Variants in UAP1 observed in about 807,000 individuals in gnomAD.
UAP1 encodes UDP-N-acetylhexosamine pyrophosphorylase.
In UAP1, 25 loss-of-function variants were observed where a neutral mutation model predicts 58.5. That is an observed-to-expected ratio of 0.43 (90% CI 0.31 to 0.60). The LOEUF is 0.60. UAP1 is among the 20% of genes least tolerant of loss of function. The pLI, the probability that UAP1 is intolerant of heterozygous loss-of-function variation, is 0.11. For missense variants in UAP1, 575 were observed against 630.0 expected, an observed-to-expected ratio of 0.91 and a Z score of 0.93; for synonymous variants, 208 against 213.0, an observed-to-expected ratio of 0.98 and a Z score of 0.21.
chr1:162,565,408 A>C (rs1158999838), intron 1 of UAP1, among the ~76,000 whole-genome samples: 1 of 152,192 alleles, frequency 6.6e-6, no homozygotes, highest in East Asian at 1.9e-4. Context: ...GGAGGATCCA[A>C]GTTTTTAATG....
chr1:162,598,766 C>T (rs536729364), intron 10 of UAP1, among the ~76,000 whole-genome samples: 25 of 152,232 alleles, frequency 1.6e-4, no homozygotes, highest in African/African-American at 5.8e-4. Context: ...GTAATCCCAG[C>T]GCTTTGGGAG....
At chr1:162,579,833 G>A (rs1472281132) in intron 4 of UAP1, among the ~76,000 whole-genome samples, 1 of 151,998 alleles carries the variant, frequency 6.6e-6, no homozygotes, top group Non-Finnish European at 1.5e-5. Context: ...AGCATTCAGG[G>A]TATTCTTTCT....
chr1:162,586,348 G>T (rs151276770), intron 5 of UAP1, among the ~76,000 whole-genome samples: 1,615 of 152,228 alleles, frequency 0.011, 24 homozygotes, highest in African/African-American at 0.037. Flanking sequence ...TTGAGACAGG[G>T]TCTTACTCTG....
downstream of UAP1, among the ~76,000 whole-genome samples, chr1:162,601,018 T>A (rs944874591): frequency 1.3e-5 from 2 of 152,140 alleles, no homozygotes; most frequent in African/African-American, 4.8e-5. Flanking sequence ...AAGGGAAGAA[T>A]GGAAATGGGA....
intron 2 of UAP1, among the ~76,000 whole-genome samples, chr1:162,566,674 T>A (rs913647431): frequency 6.6e-6 from 1 of 152,076 alleles, no homozygotes; most frequent in Non-Finnish European, 1.5e-5. Flanking sequence ...TTGCCCAGGC[T>A]GGAGTGCAGT....
chr1:162,590,990 C>G (rs1196429064), intron 8 of UAP1, among the ~76,000 whole-genome samples: 1 of 150,086 alleles, frequency 6.7e-6, no homozygotes, highest in Non-Finnish European at 1.5e-5. Context: ...GTGGCACAGT[C>G]TCAGCTCACT....
At chr1:162,571,033 A>G (rs9919292) in intron 2 of UAP1, among the ~76,000 whole-genome samples, 45 of 150,964 alleles carry the variant, frequency 3.0e-4, no homozygotes, top group Non-Finnish European at 5.9e-4. Flanking sequence ...TGGGCCCACA[A>G]TGCATGACTC....
At chr1:162,579,462 A>G (rs780773262) in exon 4 of UAP1, 9 of 1,603,068 alleles carry the variant, frequency 5.6e-6, no homozygotes, top group Admixed American at 1.7e-5. Context: ...AATGGAATCT[A>G]CAAAGGAGTT....
intron 5 of UAP1, among the ~76,000 whole-genome samples, chr1:162,585,493 C>T (rs1467171799): frequency 1.3e-5 from 2 of 152,008 alleles, no homozygotes; most frequent in African/African-American, 4.8e-5. Flanking sequence ...AACTCCTGAC[C>T]TCAGATGATA....
intron 8 of UAP1, among the ~76,000 whole-genome samples, chr1:162,592,492 G>A (rs993830117): frequency 2.6e-5 from 4 of 152,128 alleles, no homozygotes; most frequent in African/African-American, 9.7e-5. Flanking sequence ...CCCAGTCCAA[G>A]GCCACTTTTG....
intron 2 of UAP1, among the ~76,000 whole-genome samples, chr1:162,570,146 C>G (rs1239027178): frequency 7.4e-6 from 1 of 135,988 alleles, no homozygotes; most frequent in Non-Finnish European, 1.6e-5. Flanking sequence ...GAGACTCCGT[C>G]TCAAAAAAAA....
At chr1:162,565,679 A>C (rs1304895994) in intron 1 of UAP1, among the ~76,000 whole-genome samples, 1 of 152,168 alleles carries the variant, frequency 6.6e-6, no homozygotes, top group Non-Finnish European at 1.5e-5. Context: ...GAACCATGTC[A>C]TCAGGCTGCC....
intron 2 of UAP1, among the ~76,000 whole-genome samples, chr1:162,566,902 A>G (rs1344999035): frequency 6.6e-6 from 1 of 152,190 alleles, no homozygotes; most frequent in Non-Finnish European, 1.5e-5. Context: ...TGTTGGGGTT[A>G]CAGGTGTGAG....
intron 9 of UAP1, among the ~76,000 whole-genome samples, chr1:162,595,366 C>T (rs1052493202): frequency 6.6e-5 from 10 of 152,138 alleles, no homozygotes; most frequent in African/African-American, 2.4e-4. Flanking sequence ...TTAGGTGGGA[C>T]TGGGCTATAT....
chr1:162,563,141 C>T (rs1653264880), intron 1 of UAP1, among the ~76,000 whole-genome samples: 2 of 152,116 alleles, frequency 1.3e-5, no homozygotes, highest in Admixed American at 6.5e-5. Flanking sequence ...TGCTGCTTAC[C>T]ATTACACGTG....
At chr1:162,563,337 A>G (rs971559911) in intron 1 of UAP1, among the ~76,000 whole-genome samples, 2 of 152,158 alleles carry the variant, frequency 1.3e-5, no homozygotes, top group East Asian at 3.8e-4. Flanking sequence ...CAGATATCAA[A>G]GTTTAACCTA....
chr1:162,592,858 A>G, intron 9 of UAP1, 76 bp downstream of exon 9: 1 of 1,341,902 alleles, frequency 7.5e-7, no homozygotes, highest in South Asian at 1.3e-5. Context: ...ATCGTAGTTT[A>G]GTGCTCTGCC....
rs779813694 is a variant in UAP1, at chr1:162,597,757, CA to C, written c.1410-32del. On this transcript the variant is annotated intron_variant, in intron 9 of 10. Transcript: ENST00000271469. ...TTGCTCTGGCAAGTAACATGGGAAG[CA>C]AAGTCTTTAACACATACTTGTTTTT... The C allele has an allele frequency of 5.1e-6, 8 of 1,583,786 alleles. No individual in the cohort carries two copies. In the East Asian group the frequency reaches 9.0e-5, roughly 18 times the overall value.
chr1:162,580,134 T>C (rs2101784475), intron 4 of UAP1, among the ~76,000 whole-genome samples: 1 of 152,316 alleles, frequency 6.6e-6, no homozygotes, highest in East Asian at 1.9e-4. Flanking sequence ...CCCAAAGTGC[T>C]GGAATTACAG....
Sources: gnomAD v4.1 joint callset for allele counts (sites outside exome capture counted in the v4.1 genomes callset) on GRCh38, gnomAD v4.1.1 for gene constraint, MANE v1.5 for transcripts, NCBI Gene and HGNC (gene_info 2026-07-23, HGNC 2026-07-21) for gene names.